Variants in FBXL7 observed in about 807,000 individuals in gnomAD.
The protein encoded by FBXL7 is F-box/LRR-repeat protein 7.
FBXL7 carries 12 observed loss-of-function variants against 38.3 expected under a neutral mutation model. The ratio of observed to expected loss-of-function variants is 0.31; its 90% confidence interval spans 0.20 to 0.51. The LOEUF is 0.51. FBXL7 is among the 20% of genes least tolerant of loss of function. FBXL7 has a pLI of 0.98. For missense variants in FBXL7, 567 were observed against 676.4 expected, an observed-to-expected ratio of 0.84 and a Z score of 1.79; for synonymous variants, 297 against 300.9, an observed-to-expected ratio of 0.99 and a Z score of 0.13.
chr5:15,556,150 C>G (rs1474889075), intron 1 of FBXL7, among the ~76,000 whole-genome samples: 1 of 151,916 alleles, frequency 6.6e-6, no homozygotes, highest in African/African-American at 2.4e-5. Context: ...AGGAGCTTTA[C>G]TCTGAGGTAT....
intron 2 of FBXL7, among the ~76,000 whole-genome samples, chr5:15,807,431 G>A (rs1445569022): frequency 6.6e-6 from 1 of 152,174 alleles, no homozygotes; most frequent in Non-Finnish European, 1.5e-5. Flanking sequence ...AGGAAGAACT[G>A]TGTTCTGGAA....
chr5:15,694,406 T>G (rs1743270224), intron 2 of FBXL7, among the ~76,000 whole-genome samples: 1 of 152,218 alleles, frequency 6.6e-6, no homozygotes, highest in Non-Finnish European at 1.5e-5. Context: ...ATTCCTGGGC[T>G]TCCTTTGTCC....
intron 2 of FBXL7, among the ~76,000 whole-genome samples, chr5:15,675,112 T>G (rs1028488716): frequency 6.6e-6 from 1 of 152,254 alleles, no homozygotes; most frequent in Non-Finnish European, 1.5e-5. Context: ...TCAGTTGTAG[T>G]GCCTGGAATG....
chr5:15,597,517 A>T (rs1739658280), intron 1 of FBXL7, among the ~76,000 whole-genome samples: 1 of 152,008 alleles, frequency 6.6e-6, no homozygotes, highest in East Asian at 1.9e-4. Context: ...AAAAAAAAAA[A>T]AATCTGAAAT....
chr5:15,730,614 T>C (rs1735556235), intron 2 of FBXL7, among the ~76,000 whole-genome samples: 1 of 152,140 alleles, frequency 6.6e-6, no homozygotes, highest in Non-Finnish European at 1.5e-5. Context: ...AGAGAAAGGG[T>C]TAGATTTGGT....
intron 2 of FBXL7, among the ~76,000 whole-genome samples, chr5:15,787,465 C>T (rs1737161294): frequency 6.6e-6 from 1 of 152,012 alleles, no homozygotes. Flanking sequence ...GTCAGCAGAG[C>T]CATGACAGAG....
intron 2 of FBXL7, among the ~76,000 whole-genome samples, chr5:15,774,397 C>T (rs763034197): frequency 3.9e-5 from 6 of 152,060 alleles, no homozygotes; most frequent in Non-Finnish European, 8.8e-5. Context: ...CAGACATAGA[C>T]ATCTTTGGTG....
At chr5:15,599,371 G>C (rs1021005549) in intron 1 of FBXL7, among the ~76,000 whole-genome samples, 1 of 152,110 alleles carries the variant, frequency 6.6e-6, no homozygotes, top group African/African-American at 2.4e-5. Context: ...GTGTGTGTAT[G>C]TGTGTATGCA....
chr5:15,601,370 T>C (rs1380998464), intron 1 of FBXL7, among the ~76,000 whole-genome samples: 1 of 152,190 alleles, frequency 6.6e-6, no homozygotes, highest in Non-Finnish European at 1.5e-5. Context: ...TGTTAATGCA[T>C]GTACCCTTAG....
At chr5:15,592,066 C>G (rs76902528) in intron 1 of FBXL7, among the ~76,000 whole-genome samples, 2,481 of 152,226 alleles carry the variant, frequency 0.016, 86 homozygotes, top group African/African-American at 0.056. Flanking sequence ...CTAAATCCCA[C>G]TACACTGAAG....
intron 2 of FBXL7, among the ~76,000 whole-genome samples, chr5:15,619,506 C>A (rs1740559007): frequency 6.6e-6 from 1 of 152,170 alleles, no homozygotes; most frequent in Admixed American, 6.5e-5. Flanking sequence ...TTTTCTAGAA[C>A]TATGTTTAAC....
chr5:15,736,493 TAAC>T (rs1330834622), intron 2 of FBXL7, among the ~76,000 whole-genome samples: 1 of 152,210 alleles, frequency 6.6e-6, no homozygotes, highest in African/African-American at 2.4e-5. Flanking sequence ...CAAATTAAAA[TAAC>T]AAATCCACAT....
chr5:15,544,749 C>T (rs1414103532), intron 1 of FBXL7, among the ~76,000 whole-genome samples: 1 of 152,162 alleles, frequency 6.6e-6, no homozygotes, highest in Non-Finnish European at 1.5e-5. Flanking sequence ...AGCCTGGGAA[C>T]ATTCATTGTG....
chr5:15,787,950 G>A (rs1353101409), intron 2 of FBXL7, among the ~76,000 whole-genome samples: 5 of 152,160 alleles, frequency 3.3e-5, no homozygotes, highest in African/African-American at 9.7e-5. Flanking sequence ...CTGGAGGTCT[G>A]AACTAAAAAT....
chr5:15,551,749 T>C (rs1738078473), intron 1 of FBXL7, among the ~76,000 whole-genome samples: 1 of 152,238 alleles, frequency 6.6e-6, no homozygotes, highest in Admixed American at 6.5e-5. Context: ...GTTACATTTT[T>C]GTGTATATCT....
chr5:15,577,648 AT>A (rs1301406344), intron 1 of FBXL7, among the ~76,000 whole-genome samples: 6 of 150,394 alleles, frequency 4.0e-5, no homozygotes, highest in Non-Finnish European at 8.9e-5. Context: ...CTATTTATAG[AT>A]TAAGGAGGCC....
At chr5:15,598,614 G>T (rs1739695927) in intron 1 of FBXL7, among the ~76,000 whole-genome samples, 1 of 151,964 alleles carries the variant, frequency 6.6e-6, no homozygotes, top group Non-Finnish European at 1.5e-5. Flanking sequence ...TTTTGTCATT[G>T]TTTTGCCATG....
At chr5:15,631,621 G>A (rs529302435) in intron 2 of FBXL7, among the ~76,000 whole-genome samples, 12 of 134,752 alleles carry the variant, frequency 8.9e-5, no homozygotes, top group South Asian at 7.2e-4. Flanking sequence ...GCAGTGAGCC[G>A]AGACTGCGCC....
intron 2 of FBXL7, among the ~76,000 whole-genome samples, chr5:15,724,256 A>T (rs1744280103): frequency 6.6e-6 from 1 of 152,002 alleles, no homozygotes; most frequent in Non-Finnish European, 1.5e-5. Flanking sequence ...CTTCCTTTTT[A>T]AAAAAATGTT....
Sources: gnomAD v4.1 joint callset for allele counts (sites outside exome capture counted in the v4.1 genomes callset) on GRCh38, gnomAD v4.1.1 for gene constraint, MANE v1.5 for transcripts, NCBI Gene and HGNC (gene_info 2026-07-23, HGNC 2026-07-21) for gene names.